The following MTA3 variants were observed in gnomAD, a reference collection of about 807,000 sequenced individuals.
MTA3 encodes metastasis associated 1 family member 3.
MTA3 carries 34 observed loss-of-function variants against 83.5 expected under a neutral mutation model. The observed-to-expected ratio is 0.41, with a 90% CI of 0.31 to 0.54. MTA3 has a LOEUF of 0.54. MTA3 is among the 20% of genes least tolerant of loss of function. The probability of loss-of-function intolerance (pLI) is 0.33; values close to 1 mark genes in which losing one functional copy is unlikely to be tolerated. For missense variants in MTA3, 761 were observed against 726.4 expected (o/e 1.05, Z -0.55); for synonymous variants, 303 against 252.7 (o/e 1.20, Z -1.89).
intron 2 of MTA3, among the ~76,000 whole-genome samples, chr2:42,576,531 G>T (rs987514425): frequency 6.6e-6 from 1 of 152,322 alleles, no homozygotes; most frequent in Admixed American, 6.5e-5. Flanking sequence ...TCGAGAGGCT[G>T]AGGCAGGAGG....
intron 6 of MTA3, among the ~76,000 whole-genome samples, chr2:42,652,461 C>T (rs945445689): frequency 1.3e-4 from 20 of 152,094 alleles, no homozygotes; most frequent in African/African-American, 4.6e-4. Context: ...TGGAAATATA[C>T]CGAAGAAGTA....
chr2:42,700,628 A>G (rs1693781669), intron 11 of MTA3, among the ~76,000 whole-genome samples: 1 of 152,196 alleles, frequency 6.6e-6, no homozygotes, highest in Non-Finnish European at 1.5e-5. Context: ...ATTTCTGGTA[A>G]ACCTCTGGCC....
chr2:42,524,094 A>T (rs1355733540), intron 2 of MTA3, among the ~76,000 whole-genome samples: 1 of 152,090 alleles, frequency 6.6e-6, no homozygotes, highest in Non-Finnish European at 1.5e-5. Context: ...CCATCCTAAG[A>T]AACATCTTCA....
chr2:42,621,597 G>A (rs1336651150), intron 4 of MTA3, among the ~76,000 whole-genome samples: 2 of 149,432 alleles, frequency 1.3e-5, no homozygotes, highest in Admixed American at 6.7e-5. Flanking sequence ...TTTTCTATTC[G>A]ACAAAACCGC....
In MTA3 at chr2:42,754,362, C is replaced by T; in HGVS notation, c.*963C>T. On this transcript the variant is annotated 3_prime_UTR_variant, in exon 17 of 17. Coordinates refer to ENST00000405094, the MANE Select transcript of MTA3 (RefSeq NM_001330442.2). ...TGTTTGTGGGTATGAGTCTGTGTGGCCAACCCCATGACCCCCACCCCTCCA... is the reference window on the plus strand; with the variant it reads ...TGTTTGTGGGTATGAGTCTGTGTGGTCAACCCCATGACCCCCACCCCTCCA... The T allele has an allele frequency of 1.0e-6, 1 of 985,470 alleles. No homozygotes were observed. The highest frequency in any genetic ancestry group is 1.2e-6 in the Non-Finnish European group (1 of 830,010). 61.0% of individuals were successfully genotyped at this position (985,470 alleles called of 1,614,324 possible).
At chr2:42,602,133 C>G (rs919543400) in intron 3 of MTA3, among the ~76,000 whole-genome samples, 25 of 151,988 alleles carry the variant, frequency 1.6e-4, no homozygotes, top group African/African-American at 6.0e-4. Context: ...GAACCACTGC[C>G]CAGTCCTAAT....
chr2:42,500,632 A>T (rs886087312), intron 2 of MTA3, among the ~76,000 whole-genome samples: 2 of 151,854 alleles, frequency 1.3e-5, no homozygotes, highest in African/African-American at 4.8e-5. Flanking sequence ...GAGGGGAAAA[A>T]TTTTTTCCTC....
intron 11 of MTA3, chr2:42,703,890 CAAA>C (rs1190902543): frequency 9.9e-4 from 176 of 178,382 alleles, no homozygotes; most frequent in South Asian, 2.3e-3. Context: ...ACTCCGTCTC[CAAA>C]AAAAAAAAAA....
At chr2:42,540,311 C>G (rs1388608250) in intron 2 of MTA3, among the ~76,000 whole-genome samples, 2 of 150,640 alleles carry the variant, frequency 1.3e-5, no homozygotes, top group Admixed American at 6.7e-5. Flanking sequence ...GTAGGTAGAA[C>G]TACAGGCACA....
intron 14 of MTA3, among the ~76,000 whole-genome samples, chr2:42,711,063 A>C (rs971472213): frequency 2.0e-5 from 3 of 152,018 alleles, no homozygotes; most frequent in African/African-American, 7.2e-5. Flanking sequence ...TGGGCAACAC[A>C]GACTCCGCAT....
intron 2 of MTA3, among the ~76,000 whole-genome samples, chr2:42,522,174 A>C (rs1366731765): frequency 6.6e-6 from 1 of 152,166 alleles, no homozygotes; most frequent in Non-Finnish European, 1.5e-5. Flanking sequence ...TCCTAGTCCT[A>C]AAGCAAACTG....
At chr2:42,749,201 C>G (rs973844935) in intron 16 of MTA3, among the ~76,000 whole-genome samples, 1 of 152,110 alleles carries the variant, frequency 6.6e-6, no homozygotes, top group Non-Finnish European at 1.5e-5. Flanking sequence ...TCTGCAGGAT[C>G]TCCTCCCTCA....
At position 42,721,431 on chromosome 2, in the gene MTA3, G is replaced by A. The variant is rs554763866; in HGVS notation, c.1613-1458G>A. Among the ~76,000 whole-genome samples, 9 of 151,236 alleles carry A rather than the reference G, an allele frequency of 6.0e-5. No individual in the cohort carries two copies. The East Asian group carries it at 1.7e-3, about 29-fold the overall frequency. Reference sequence around the variant, plus strand: ...CAACCTCCACTTCCCAGGCTCAGGTGATCCTCCCACTTAAGCCTCCTGAAT... The same window carrying A: ...CAACCTCCACTTCCCAGGCTCAGGTAATCCTCCCACTTAAGCCTCCTGAAT... On this transcript the variant is annotated intron_variant, in intron 15 of 16. Coordinates refer to ENST00000405094, the MANE Select transcript of MTA3 (RefSeq NM_001330442.2).
At chr2:42,506,410 T>C (rs1263137430) in intron 2 of MTA3, among the ~76,000 whole-genome samples, 1 of 151,672 alleles carries the variant, frequency 6.6e-6, no homozygotes, top group African/African-American at 2.4e-5. Flanking sequence ...GCCATGATCA[T>C]GCCACTGCAC....
At chr2:42,597,990 T>C (rs1054619443) in intron 3 of MTA3, among the ~76,000 whole-genome samples, 3 of 152,032 alleles carry the variant, frequency 2.0e-5, no homozygotes, top group Non-Finnish European at 4.4e-5. Flanking sequence ...CCAAGTTATC[T>C]TTTTAAAACA....
intron 16 of MTA3, among the ~76,000 whole-genome samples, chr2:42,738,358 T>C (rs928385150): frequency 1.6e-4 from 25 of 152,230 alleles, no homozygotes; most frequent in African/African-American, 5.3e-4. Flanking sequence ...ATGAATACTT[T>C]TGTAATTTCT....
Position 42,640,169 on chromosome 2 carries a change from A to G in MTA3, c.318-4A>G, listed in dbSNP as rs1381577046. ...ACATTTATTCTTTTTTTCTTTTTCAACAGGGGAAAGTGCAGTGTTGCCCTT... is the reference window on the plus strand; with the variant it reads ...ACATTTATTCTTTTTTTCTTTTTCAGCAGGGGAAAGTGCAGTGTTGCCCTT... On this transcript the variant is annotated splice_polypyrimidine_tract_variant and splice_region_variant and intron_variant, in intron 4 of 16. Transcript: ENST00000405094. The G allele has an allele frequency of 1.3e-6, 2 of 1,599,762 alleles. No individual in the cohort carries two copies. Among genetic ancestry groups the G allele is most frequent in the East Asian group, 2.2e-5 (1 of 44,576 alleles).
chr2:42,673,995 T>C (rs117033839), intron 8 of MTA3, among the ~76,000 whole-genome samples: 1 of 152,344 alleles, frequency 6.6e-6, no homozygotes, highest in East Asian at 1.9e-4. Context: ...TGATTTCTGA[T>C]ACACTCATCT....
intron 3 of MTA3, among the ~76,000 whole-genome samples, chr2:42,585,352 T>G (rs1680146412): frequency 6.6e-6 from 1 of 151,978 alleles, no homozygotes; most frequent in Admixed American, 6.6e-5. Flanking sequence ...CCTCCCAAAG[T>G]GCTGGGATTA....
Sources: allele counts gnomAD v4.1 joint callset (sites outside exome capture counted in the v4.1 genomes callset), GRCh38; gene constraint gnomAD v4.1.1; transcripts MANE v1.5; gene names NCBI Gene and HGNC (gene_info 2026-07-23, HGNC 2026-07-21).